The following RGS7BP variants were observed in gnomAD, a reference collection of about 807,000 sequenced individuals.
RGS7BP encodes the protein regulator of G protein signaling 7-binding protein.
RGS7BP carries 9 observed loss-of-function variants against 31.3 expected under a neutral mutation model. The ratio of observed to expected loss-of-function variants is 0.29; its 90% CI spans 0.17 to 0.50. The LOEUF (loss-of-function observed/expected upper bound fraction) is 0.50, where lower values mean the gene tolerates loss of function less well. RGS7BP is among the 20% of genes least tolerant of loss of function. The pLI is 0.98. For synonymous variants in RGS7BP, 115 were observed against 120.1 expected (o/e 0.96, Z 0.28); for missense variants, 274 against 322.0 (o/e 0.85, Z 1.14).
intron 5 of RGS7BP, among the ~76,000 whole-genome samples, chr5:64,607,664 GCTT>G (rs1743399154): frequency 6.6e-6 from 1 of 151,942 alleles, no homozygotes; most frequent in South Asian, 2.1e-4. Context: ...GATTATAAAT[GCTT>G]CTTATCGGAC....
intron 2 of RGS7BP, among the ~76,000 whole-genome samples, chr5:64,509,838 A>G (rs1748784436): frequency 6.6e-6 from 1 of 152,230 alleles, no homozygotes; most frequent in Non-Finnish European, 1.5e-5. Context: ...AACTCCATAA[A>G]ATATTCTAGG....
chr5:64,528,810 C>CAA (rs61488452), intron 2 of RGS7BP, among the ~76,000 whole-genome samples: 39 of 65,298 alleles, frequency 6.0e-4, no homozygotes, highest in African/African-American at 2.1e-3. Context: ...GACTCCATCT[C>CAA]AAAAAAAAAA....
At chr5:64,565,715 G>A (rs1306797425) in intron 2 of RGS7BP, among the ~76,000 whole-genome samples, 1 of 152,010 alleles carries the variant, frequency 6.6e-6, no homozygotes, top group East Asian at 1.9e-4. Context: ...GGATTACAGA[G>A]ATACATAAGA....
At chr5:64,562,739 A>C (rs1003495196) in intron 2 of RGS7BP, among the ~76,000 whole-genome samples, 1 of 152,158 alleles carries the variant, frequency 6.6e-6, no homozygotes, top group African/African-American at 2.4e-5. Context: ...TGGCCCATCC[A>C]GCACAACACC....
intron 2 of RGS7BP, among the ~76,000 whole-genome samples, chr5:64,538,168 A>C (rs1193322639): frequency 6.6e-6 from 1 of 152,212 alleles, no homozygotes; most frequent in African/African-American, 2.4e-5. Flanking sequence ...TTATAAAACA[A>C]TCTTTAACTT....
intron 2 of RGS7BP, among the ~76,000 whole-genome samples, chr5:64,519,173 A>G (rs1337084555): frequency 1.3e-5 from 2 of 152,190 alleles, no homozygotes; most frequent in African/African-American, 4.8e-5. Context: ...GGATGTGAGG[A>G]GTGAGGAAGA....
chr5:64,599,979 T>C (rs1204668471), intron 5 of RGS7BP, among the ~76,000 whole-genome samples: 1 of 152,170 alleles, frequency 6.6e-6, no homozygotes, highest in African/African-American at 2.4e-5. Context: ...TTGTTGTCAC[T>C]GTTATTATTA....
chr5:64,507,191 A>C lies in RGS7BP; in HGVS notation c.165+402A>C, dbSNP rs542918288. The stretch of plus-strand genomic sequence containing the variant: ...CGCACGGGGCGCTGCGGAGGGGTCG[A>C]AGGTTCCAGCGCAGAGGCTGTAGCT... On this transcript the variant is annotated intron_variant, in intron 1 of 5. Coordinates refer to ENST00000334025, the MANE Select transcript of RGS7BP (RefSeq NM_001029875.3). Among the ~76,000 whole-genome samples the C allele has an allele frequency of 5.3e-5, 8 of 152,318 alleles. No individual in the cohort carries two copies. In the East Asian group the frequency reaches 1.5e-3, roughly 29 times the overall value.
At chr5:64,556,688 C>A (rs1213521780) in intron 2 of RGS7BP, among the ~76,000 whole-genome samples, 1 of 152,038 alleles carries the variant, frequency 6.6e-6, no homozygotes, top group Non-Finnish European at 1.5e-5. Context: ...CCTACCACTT[C>A]TTAGCCTTTG....
At chr5:64,513,900 G>A (rs979993951) in intron 2 of RGS7BP, among the ~76,000 whole-genome samples, 3 of 152,210 alleles carry the variant, frequency 2.0e-5, no homozygotes, top group African/African-American at 7.2e-5. Context: ...TTCAGTATTA[G>A]TTTGCTAAGG....
At chr5:64,575,294 A>C (rs1742390125) in intron 2 of RGS7BP, among the ~76,000 whole-genome samples, 1 of 152,194 alleles carries the variant, frequency 6.6e-6, no homozygotes, top group African/African-American at 2.4e-5. Context: ...CTTTAGACTG[A>C]GACAAAAAAC....
chr5:64,600,322 C>T (rs1743185716), intron 5 of RGS7BP, among the ~76,000 whole-genome samples: 1 of 152,108 alleles, frequency 6.6e-6, no homozygotes, highest in South Asian at 2.1e-4. Context: ...CCACATCATC[C>T]TAAACATTCC....
chr5:64,526,818 G>C (rs904962208), intron 2 of RGS7BP, among the ~76,000 whole-genome samples: 4 of 152,144 alleles, frequency 2.6e-5, no homozygotes, highest in African/African-American at 7.2e-5. Flanking sequence ...GAGCCATGGA[G>C]ATCTGTGTGT....
chr5:64,602,799 A>G (rs1206896173), intron 5 of RGS7BP, among the ~76,000 whole-genome samples: 1 of 152,222 alleles, frequency 6.6e-6, no homozygotes, highest in Non-Finnish European at 1.5e-5. Flanking sequence ...GGGTTGCTAC[A>G]AGGTATATTA....
At chr5:64,561,102 C>T (rs115818505) in intron 2 of RGS7BP, among the ~76,000 whole-genome samples, 3 of 152,126 alleles carry the variant, frequency 2.0e-5, no homozygotes, top group Non-Finnish European at 2.9e-5. Context: ...CCCATACCCC[C>T]ACATACACTA....
intron 2 of RGS7BP, among the ~76,000 whole-genome samples, chr5:64,551,002 T>G (rs1741782012): frequency 6.6e-6 from 1 of 151,736 alleles, no homozygotes; most frequent in Admixed American, 6.6e-5. Context: ...ATTATATAAA[T>G]ATTATTTTCT....
chr5:64,609,011 C>T (rs1303851324), intron 5 of RGS7BP, 150 bp from the exon 6 acceptor site: 2 of 641,632 alleles, frequency 3.1e-6, no homozygotes, highest in Non-Finnish European at 5.7e-6. Flanking sequence ...GGACAGTACC[C>T]CACAACCAAG....
chr5:64,581,236 G>A (rs1406746354), intron 3 of RGS7BP, among the ~76,000 whole-genome samples: 1 of 152,080 alleles, frequency 6.6e-6, no homozygotes, highest in Non-Finnish European at 1.5e-5. Context: ...AATAAAAACT[G>A]CTATTTTAAT....
chr5:64,561,628 A>G (rs988658461), intron 2 of RGS7BP, among the ~76,000 whole-genome samples: 158 of 152,190 alleles, frequency 1.0e-3, no homozygotes, highest in African/African-American at 3.7e-3. Context: ...TAAACTCCCA[A>G]TAAACATTAT....
Sources: gnomAD v4.1 joint callset for allele counts (sites outside exome capture counted in the v4.1 genomes callset) on GRCh38, gnomAD v4.1.1 for gene constraint, MANE v1.5 for transcripts, NCBI Gene and HGNC (gene_info 2026-07-23, HGNC 2026-07-21) for gene names.